RAB31: variants seen among roughly 807,000 people sequenced by gnomAD.
RAB31 encodes RAB31, member RAS oncogene family.
RAB31 carries 21 observed loss-of-function variants against 25.6 expected under a neutral mutation model. The observed-to-expected ratio is 0.82, with a 90% CI of 0.58 to 1.18. The LOEUF (loss-of-function observed/expected upper bound fraction) is 1.18, where lower values mean the gene tolerates loss of function less well. RAB31 is among the 50% of genes most tolerant of loss of function. RAB31 has a pLI of 0.00. For missense variants in RAB31, 196 were observed against 250.1 expected, an observed-to-expected ratio of 0.78 and a Z score of 1.46; for synonymous variants, 87 against 84.0, an observed-to-expected ratio of 1.04 and a Z score of -0.20.
intron 1 of RAB31, among the ~76,000 whole-genome samples, chr18:9,765,425 A>T (rs530177701): frequency 2.0e-5 from 3 of 152,294 alleles, no homozygotes; most frequent in Non-Finnish European, 4.4e-5. Flanking sequence ...TGCTCTCTCT[A>T]CCCCAAAAGG....
intron 2 of RAB31, among the ~76,000 whole-genome samples, chr18:9,782,029 G>A (rs1472834386): frequency 1.3e-5 from 2 of 152,218 alleles, no homozygotes; most frequent in African/African-American, 4.8e-5. Context: ...TGAAAAATCA[G>A]TGGGTTTGGA....
chr18:9,797,730 C>T (rs1302321289), intron 3 of RAB31, among the ~76,000 whole-genome samples: 1 of 152,204 alleles, frequency 6.6e-6, no homozygotes. Flanking sequence ...CTTCAGATAT[C>T]TCTACGTGAT....
intron 5 of RAB31, among the ~76,000 whole-genome samples, chr18:9,831,974 C>T (rs1410421621): frequency 2.0e-5 from 3 of 152,276 alleles, no homozygotes; most frequent in East Asian, 1.9e-4. Flanking sequence ...GCCTGCCACC[C>T]GTCATGAAAT....
intron 1 of RAB31, among the ~76,000 whole-genome samples, chr18:9,732,336 A>C (rs1370777902): frequency 5.5e-5 from 5 of 91,342 alleles, no homozygotes; most frequent in African/African-American, 2.0e-4. Context: ...CTCCAGAGAA[A>C]CCTCCCCAGA....
chr18:9,709,708 T>A (rs888133736), intron 1 of RAB31, among the ~76,000 whole-genome samples: 1 of 152,192 alleles, frequency 6.6e-6, no homozygotes, highest in Non-Finnish European at 1.5e-5. Context: ...TGCTAGCCCC[T>A]GGCACAGATC....
At chr18:9,832,965 G>A (rs557243311) in intron 5 of RAB31, among the ~76,000 whole-genome samples, 12 of 149,264 alleles carry the variant, frequency 8.0e-5, no homozygotes, top group African/African-American at 3.0e-4. Context: ...ACACTGCACC[G>A]AGAACTCCCG....
chr18:9,709,336 A>G (rs2068004304), intron 1 of RAB31, among the ~76,000 whole-genome samples: 1 of 152,136 alleles, frequency 6.6e-6, no homozygotes, highest in South Asian at 2.1e-4. Context: ...TCCTTCTTCT[A>G]AAAGAAGAGC....
intron 2 of RAB31, among the ~76,000 whole-genome samples, chr18:9,786,358 C>T (rs1318940078): frequency 6.6e-6 from 1 of 152,242 alleles, no homozygotes; most frequent in Non-Finnish European, 1.5e-5. Context: ...TTGCAGTATC[C>T]TTTATGAGAA....
chr18:9,743,649 A>C (rs1221838061), intron 1 of RAB31, among the ~76,000 whole-genome samples: 23 of 152,182 alleles, frequency 1.5e-4, no homozygotes, highest in Admixed American at 1.5e-3. Flanking sequence ...TTCTCAGGCC[A>C]CATGCAAAAC....
At chr18:9,767,692 A>T (rs2068323183) in intron 1 of RAB31, among the ~76,000 whole-genome samples, 1 of 152,086 alleles carries the variant, frequency 6.6e-6, no homozygotes, top group Admixed American at 6.5e-5. Context: ...TTTGCCTGGG[A>T]GGTATCATTC....
At chr18:9,780,272 T>C (rs1214870779) in intron 2 of RAB31, among the ~76,000 whole-genome samples, 2 of 152,210 alleles carry the variant, frequency 1.3e-5, no homozygotes, top group Non-Finnish European at 2.9e-5. Flanking sequence ...AGTTTTTTTT[T>C]ACTCTGTGTT....
At chr18:9,813,744 C>G (rs2068586786) in intron 3 of RAB31, among the ~76,000 whole-genome samples, 1 of 152,032 alleles carries the variant, frequency 6.6e-6, no homozygotes, top group Admixed American at 6.5e-5. Context: ...CCTGGCTACT[C>G]AGGAAGCCAA....
chr18:9,730,042 A>T (rs2068114897), intron 1 of RAB31, among the ~76,000 whole-genome samples: 1 of 152,204 alleles, frequency 6.6e-6, no homozygotes. Flanking sequence ...AAATGATCGT[A>T]CATAAAATAA....
At chr18:9,849,604 T>A (rs2068778557) in intron 6 of RAB31, 1 of 152,520 alleles carries the variant, frequency 6.6e-6, no homozygotes, top group Non-Finnish European at 1.5e-5. Context: ...CAGATCGGTG[T>A]CTGGTGACTC....
intron 1 of RAB31, among the ~76,000 whole-genome samples, chr18:9,742,114 G>A (rs1417918936): frequency 3.9e-5 from 6 of 152,222 alleles, no homozygotes; most frequent in Admixed American, 2.0e-4. Context: ...GCACTGGCAG[G>A]GCTCGAAGTG....
chr18:9,773,366 G>T (rs879050333), intron 1 of RAB31, among the ~76,000 whole-genome samples: 2 of 152,110 alleles, frequency 1.3e-5, no homozygotes, highest in Non-Finnish European at 2.9e-5. Flanking sequence ...TACCTTTAAT[G>T]TAAGAGAACT....
chr18:9,805,639 T>C (rs2068536416), intron 3 of RAB31, among the ~76,000 whole-genome samples: 1 of 152,184 alleles, frequency 6.6e-6, no homozygotes, highest in African/African-American at 2.4e-5. Context: ...TGGACCTCTT[T>C]GGGGGACACT....
intron 3 of RAB31, among the ~76,000 whole-genome samples, chr18:9,795,226 A>G (rs113205100): frequency 0.068 from 10,362 of 152,290 alleles, 402 homozygotes; most frequent in South Asian, 0.09. Flanking sequence ...CTCTCACCCT[A>G]TACAAAAATC....
intron 5 of RAB31, among the ~76,000 whole-genome samples, chr18:9,820,990 G>A (rs1284624331): frequency 2.6e-5 from 4 of 151,718 alleles, no homozygotes; most frequent in Non-Finnish European, 4.4e-5. Flanking sequence ...ATATTTATTC[G>A]AGATCTCTTT....
Sources: allele counts gnomAD v4.1 joint callset (sites outside exome capture counted in the v4.1 genomes callset), GRCh38; gene constraint gnomAD v4.1.1; transcripts MANE v1.5; gene names NCBI Gene and HGNC (gene_info 2026-07-23, HGNC 2026-07-21).